TRPM3: variants seen among roughly 807,000 people sequenced by gnomAD.
TRPM3 encodes transient receptor potential cation channel subfamily M member 3, also known as long transient receptor potential channel 3.
A neutral mutation model predicts 181.2 loss-of-function variants in TRPM3; 77 were observed. That is an observed-to-expected ratio of 0.42 (90% confidence interval 0.35 to 0.51). TRPM3 has a LOEUF of 0.51. TRPM3 is among the 20% of genes least tolerant of loss of function. The pLI, the probability that TRPM3 is intolerant of heterozygous loss-of-function variation, is 0.01. For synonymous variants in TRPM3, 745 were observed against 796.4 expected (o/e 0.94, Z 1.09); for missense variants, 1,759 against 2,196.7 (o/e 0.80, Z 3.98).
intron 8 of TRPM3, among the ~76,000 whole-genome samples, chr9:70,739,994 T>G (rs1277555887): frequency 6.6e-6 from 1 of 152,028 alleles, no homozygotes; most frequent in Non-Finnish European, 1.5e-5. Flanking sequence ...GAGAAGGAAA[T>G]AAAGGGCATC....
chr9:71,046,146 C>T (rs2059409850), intron 1 of TRPM3, among the ~76,000 whole-genome samples: 1 of 151,912 alleles, frequency 6.6e-6, no homozygotes, highest in Non-Finnish European at 1.5e-5. Flanking sequence ...GCCCCACGCC[C>T]GGCTAATTTT....
intron 1 of TRPM3, among the ~76,000 whole-genome samples, chr9:71,077,908 T>C (rs911823188): frequency 1.4e-5 from 2 of 140,672 alleles, no homozygotes; most frequent in African/African-American, 5.6e-5. Context: ...GTTTTTGTCT[T>C]TTTTTTTTTT....
intron 1 of TRPM3, among the ~76,000 whole-genome samples, chr9:70,909,902 A>T (rs936699062): frequency 2.0e-5 from 3 of 152,196 alleles, no homozygotes; most frequent in Non-Finnish European, 4.4e-5. Context: ...AAGACTGACA[A>T]TATGAAGTAT....
At chr9:70,688,222 A>T (rs1587246224) in intron 8 of TRPM3, among the ~76,000 whole-genome samples, 1 of 152,126 alleles carries the variant, frequency 6.6e-6, no homozygotes, top group South Asian at 2.1e-4. Flanking sequence ...AGTGGCCTTC[A>T]TTCCCTATGA....
chr9:71,171,322 C>T (rs1023702583), intron 1 of TRPM3, among the ~76,000 whole-genome samples: 1 of 152,166 alleles, frequency 6.6e-6, no homozygotes, highest in African/African-American at 2.4e-5. Context: ...TGATGTCTGT[C>T]ACCCACACCT....
intron 1 of TRPM3, among the ~76,000 whole-genome samples, chr9:71,420,594 GAA>G (rs145596804): frequency 0.02 from 2,712 of 135,848 alleles, 26 homozygotes; most frequent in Middle Eastern, 0.038. Context: ...AAGAAAAAGA[GAA>G]AGAGAAGAGA....
rs1564149573 is a variant in TRPM3 at position 70,529,693 on chromosome 9, C to T, written c.*6260G>A. ...GAATAAGGCGAGTTTCTTTTCCCCC[C>T]TCTCGGTTCTCAGTGTATTTTGTGT... On this transcript the variant is annotated 3_prime_UTR_variant, in exon 26 of 26. Coordinates refer to ENST00000677713, the MANE Select transcript of TRPM3 (RefSeq NM_001366145.2). The T allele has an allele frequency of 6.6e-6, 1 of 152,182 alleles. No individual in the cohort carries two copies. The highest frequency in any genetic ancestry group is 1.5e-5 in the Non-Finnish European group (1 of 68,034). The allele number at this position is 152,182 out of a possible 1,614,324, so 9.4% of individuals were successfully genotyped here.
At chr9:71,226,419 T>C (rs992171097) in intron 1 of TRPM3, among the ~76,000 whole-genome samples, 3 of 151,632 alleles carry the variant, frequency 2.0e-5, no homozygotes, top group Non-Finnish European at 4.4e-5. Context: ...GATGCAACAA[T>C]CTGTTGCCTA....
intron 9 of TRPM3, among the ~76,000 whole-genome samples, chr9:70,681,147 C>G (rs114486250): frequency 1.6e-3 from 248 of 152,174 alleles, no homozygotes; most frequent in African/African-American, 5.8e-3. Flanking sequence ...CACATATACT[C>G]ACACATATGC....
chr9:70,830,417 C>T (rs899140059), intron 5 of TRPM3, among the ~76,000 whole-genome samples: 1 of 152,140 alleles, frequency 6.6e-6, no homozygotes, highest in Admixed American at 6.5e-5. Context: ...AGCTCAGCGG[C>T]TCTTTGGGAA....
chr9:70,576,512 T>C (rs1310367322), intron 22 of TRPM3, among the ~76,000 whole-genome samples: 103 of 149,924 alleles, frequency 6.9e-4, no homozygotes, highest in Non-Finnish European at 5.9e-4. Flanking sequence ...CTTCTTCTTT[T>C]TTTTTTTTTT....
At chr9:71,036,837 C>G (rs1409787551) in intron 1 of TRPM3, among the ~76,000 whole-genome samples, 2 of 152,130 alleles carry the variant, frequency 1.3e-5, no homozygotes, top group South Asian at 4.1e-4. Flanking sequence ...ATGGAAGGTG[C>G]AGATCAAGAG....
chr9:71,076,106 G>A (rs960047164), intron 1 of TRPM3, among the ~76,000 whole-genome samples: 57 of 152,244 alleles, frequency 3.7e-4, no homozygotes, highest in African/African-American at 1.4e-3. Flanking sequence ...GGGGGAGGGG[G>A]AACAAAAAGA....
intron 1 of TRPM3, among the ~76,000 whole-genome samples, chr9:71,203,923 C>T (rs113821016): frequency 0.011 from 1,647 of 152,276 alleles, 27 homozygotes; most frequent in East Asian, 0.075. Flanking sequence ...TTTCAACTAT[C>T]TGATCTTTGA....
At chr9:71,425,915 C>T (rs2093854795) in intron 1 of TRPM3, among the ~76,000 whole-genome samples, 2 of 152,112 alleles carry the variant, frequency 1.3e-5, no homozygotes, top group Admixed American at 6.6e-5. Context: ...AGAGTTTGCA[C>T]ATGTTGCTCC....
chr9:71,210,488 C>G lies in TRPM3; in HGVS notation c.183+236165G>C, dbSNP rs533322505. On this transcript the variant is annotated intron_variant, in intron 1 of 24. Coordinates refer to the TRPM3 transcript ENST00000357533. ...TTTCACAAAACCGGTCCCTGGTGCCCAAAAGGTCAAGGATCACTGCCCTGG... is the reference window on the plus strand; with the variant it reads ...TTTCACAAAACCGGTCCCTGGTGCCGAAAAGGTCAAGGATCACTGCCCTGG... Among the ~76,000 whole-genome samples the G allele has an allele frequency of 1.4e-4, 22 of 152,264 alleles. No homozygotes were observed. The South Asian group carries it at 1.5e-3, about 10-fold the overall frequency.
At chr9:70,630,063 T>C (rs971406931) in intron 12 of TRPM3, among the ~76,000 whole-genome samples, 3 of 152,144 alleles carry the variant, frequency 2.0e-5, no homozygotes, top group African/African-American at 7.2e-5. Flanking sequence ...AGATGATGCA[T>C]TTGCATTGCT....
At chr9:71,263,592 T>C (rs1304495841) in intron 1 of TRPM3, among the ~76,000 whole-genome samples, 1 of 152,202 alleles carries the variant, frequency 6.6e-6, no homozygotes, top group African/African-American at 2.4e-5. Flanking sequence ...TCATCTTATT[T>C]ACTTTCATAT....
intron 22 of TRPM3, among the ~76,000 whole-genome samples, chr9:70,569,702 C>T (rs188044586): frequency 2.0e-5 from 3 of 152,238 alleles, no homozygotes; most frequent in East Asian, 1.9e-4. Context: ...TTCACAATCA[C>T]GTTTATGGCT....
Sources: allele counts gnomAD v4.1 joint callset (sites outside exome capture counted in the v4.1 genomes callset), GRCh38; gene constraint gnomAD v4.1.1; transcripts MANE v1.5; gene names NCBI Gene and HGNC (gene_info 2026-07-23, HGNC 2026-07-21).